ATRN: variants seen among roughly 807,000 people sequenced by gnomAD.
The protein encoded by ATRN is attractin-2.
In ATRN, 54 loss-of-function variants were observed where a neutral mutation model predicts 178.7. The observed-to-expected ratio is 0.30, with a 90% CI of 0.24 to 0.38. The LOEUF (loss-of-function observed/expected upper bound fraction) is 0.38. ATRN is among the 10% of genes least tolerant of loss of function. The probability of loss-of-function intolerance (pLI) is 1.00; values close to 1 mark genes in which losing one functional copy is unlikely to be tolerated. For synonymous variants in ATRN, 636 were observed against 663.0 expected (o/e 0.96, Z 0.63); for missense variants, 1,443 against 1,815.1 (o/e 0.79, Z 3.73).
chr20:3,577,929 TG>T (rs2086233805), intron 14 of ATRN, among the ~76,000 whole-genome samples: 3 of 152,228 alleles, frequency 2.0e-5, no homozygotes, highest in African/African-American at 7.2e-5. Context: ...ACTTTGGTTC[TG>T]GTGAAGTTGC....
rs369040538 is a variant in ATRN at position 3,540,317 on chromosome 20, C to T, written c.590C>T (p.Pro197Leu). 66 of 1,603,024 alleles carry T rather than the reference C, an allele frequency of 4.1e-5. No individual in the cohort carries two copies. The highest frequency in any genetic ancestry group is 5.4e-5 in the Non-Finnish European group (63 of 1,172,718). The change falls in exon 3 of 29, where the codon CCG becomes CTG. Residue 197 changes from proline to leucine, a missense_variant. Transcript: ENST00000262919. ...YVYDGDSIYA[P>L]LVAAFSGLIV... ...TATGATGGGGACTCAATTTATGCAC[C>T]GCTAGTTGCTGCATTTAGGTAAGCT... is the stretch of plus-strand genomic sequence containing the variant.
At chr20:3,545,127 G>A (rs2085680828) in intron 3 of ATRN, among the ~76,000 whole-genome samples, 1 of 151,894 alleles carries the variant, frequency 6.6e-6, no homozygotes. Context: ...TACATTTTGG[G>A]AGGCCGAGGT....
intron 1 of ATRN, among the ~76,000 whole-genome samples, chr20:3,491,357 G>T (rs1416579672): frequency 6.6e-6 from 1 of 152,172 alleles, no homozygotes; most frequent in Non-Finnish European, 1.5e-5. Context: ...AAATCCAGTG[G>T]TTAATTCTCT....
rs561937094 is a variant in ATRN at position 3,489,923 on chromosome 20, A to G, written c.410+18406A>G. On this transcript the variant is annotated intron_variant, in intron 1 of 28. Coordinates refer to ENST00000262919, the MANE Select transcript of ATRN (RefSeq NM_139321.3). ...GGTTGTAAATGATCTCGTTCTTTTC[A>G]TCTTCACTCTCACTCTTACTGATCT... 14 of 1,246,152 alleles carry G rather than the reference A, an allele frequency of 1.1e-5. No individual in the cohort carries two copies. In the African/African-American group the frequency reaches 1.8e-4, roughly 16 times the overall value. The allele number at this position is 1,246,152 out of a possible 1,614,324, so 77.2% of individuals were successfully genotyped here.
At chr20:3,526,816 A>G (rs2085371539) in intron 1 of ATRN, among the ~76,000 whole-genome samples, 2 of 152,186 alleles carry the variant, frequency 1.3e-5, no homozygotes, top group Non-Finnish European at 2.9e-5. Context: ...CCTGACAAAA[A>G]CAAACAATGG....
At chr20:3,554,864 G>A (rs1006895033) in intron 6 of ATRN, among the ~76,000 whole-genome samples, 19 of 151,442 alleles carry the variant, frequency 1.3e-4, no homozygotes, top group Non-Finnish European at 2.2e-4. Flanking sequence ...GAGCAGAAAA[G>A]CTTTTTTTAA....
intron 13 of ATRN, 148 bp downstream of exon 13, chr20:3,576,096 G>A: frequency 1.0e-6 from 1 of 991,310 alleles, no homozygotes; most frequent in South Asian, 2.2e-5. Context: ...TTTTCCTTTA[G>A]GAAGAGATGT....
chr20:3,596,367 T>TC lies in ATRN; in HGVS notation c.3417-3dup, dbSNP rs144892617. On this transcript the variant is annotated splice_polypyrimidine_tract_variant and intron_variant, in intron 20 of 28. Transcript: ENST00000262919. Reference sequence around the variant, plus strand: ...AATAGCAGTATAAAATAGTCTTTTTTCCCCCCCAGATGTGAGGTAGAAAAT... The same window carrying TC: ...AATAGCAGTATAAAATAGTCTTTTTTCCCCCCCCAGATGTGAGGTAGAAAAT... The TC allele has an allele frequency of 1.1e-3, 1,733 of 1,610,930 alleles. 20 individuals are homozygous for TC. In the African/African-American group the frequency reaches 0.019, roughly 18 times the overall value.
At chr20:3,617,293 A>G (rs1484783782) in intron 24 of ATRN, among the ~76,000 whole-genome samples, 3 of 152,188 alleles carry the variant, frequency 2.0e-5, no homozygotes, top group East Asian at 1.9e-4. Flanking sequence ...GGACATAAAC[A>G]TCCAAATTTT....
chr20:3,584,622 A>C, intron 17 of ATRN, 25 bp from the exon 18 acceptor site: 2 of 1,530,728 alleles, frequency 1.3e-6, no homozygotes, highest in Non-Finnish European at 9.0e-7. Context: ...TGTGATAGTC[A>C]ATTGCAACTT....
chr20:3,599,879 T>C (rs1050609670), intron 22 of ATRN, among the ~76,000 whole-genome samples: 1 of 152,164 alleles, frequency 6.6e-6, no homozygotes, highest in African/African-American at 2.4e-5. Context: ...AGAAGGTAAA[T>C]GCTTTGTGAG....
At chr20:3,606,324 C>G (rs1295345847) in intron 24 of ATRN, among the ~76,000 whole-genome samples, 1 of 152,176 alleles carries the variant, frequency 6.6e-6, no homozygotes, top group Non-Finnish European at 1.5e-5. Context: ...TCTTTCTTGT[C>G]TTCCTGGATT....
chr20:3,525,606 AT>A, intron 1 of ATRN, among the ~76,000 whole-genome samples: 1 of 152,260 alleles, frequency 6.6e-6, no homozygotes, highest in East Asian at 1.9e-4. Flanking sequence ...AAAAAAGAAA[AT>A]TTCAGGCCAA....
At position 3,638,712 on chromosome 20, in the gene ATRN, T is replaced by C. The variant is rs2087043981; in HGVS notation, c.3943-116T>C. The C allele has an allele frequency of 2.4e-6, 2 of 817,562 alleles. No individual in the cohort carries two copies. Among genetic ancestry groups the C allele is most frequent in the East Asian group, 5.4e-5 (2 of 37,302 alleles). 50.6% of individuals were successfully genotyped at this position (817,562 alleles called of 1,614,324 possible). On this transcript the variant is annotated intron_variant, in intron 26 of 28. Transcript: ENST00000262919. The surrounding 1 kb of genome is among the most constrained non-coding windows in gnomAD (Gnocchi z 4.5). Reference sequence around the variant, plus strand: ...CTAATATCAAGTCTAAAAAGTATCATTTTGGACTTGATTTGTTTGAATCAG... The same window carrying C: ...CTAATATCAAGTCTAAAAAGTATCACTTTGGACTTGATTTGTTTGAATCAG...
chr20:3,593,531 C>T (rs541400287), intron 19 of ATRN, among the ~76,000 whole-genome samples: 3 of 152,220 alleles, frequency 2.0e-5, no homozygotes, highest in Non-Finnish European at 2.9e-5. Flanking sequence ...AAGTAGAGGA[C>T]GCTGAATTCA....
chr20:3,534,142 A>G (rs2085491527), intron 1 of ATRN, among the ~76,000 whole-genome samples: 1 of 152,242 alleles, frequency 6.6e-6, no homozygotes. Flanking sequence ...TTTGCAGGAT[A>G]TGATTCTCGT....
intron 5 of ATRN, 35 bp from the exon 6 acceptor site, chr20:3,549,135 T>A (rs748948672): frequency 6.5e-7 from 1 of 1,531,658 alleles, no homozygotes; most frequent in South Asian, 1.3e-5. Context: ...TTTAAAGCTG[T>A]CTTTTGTGAA....
chr20:3,569,084 A>T (rs988655240), intron 11 of ATRN, among the ~76,000 whole-genome samples: 3 of 152,324 alleles, frequency 2.0e-5, no homozygotes, highest in African/African-American at 7.2e-5. Flanking sequence ...CTGGTAAATG[A>T]CCATGAAACT....
intron 1 of ATRN, among the ~76,000 whole-genome samples, chr20:3,519,006 T>TAAAAAAAAAAAAAGAAA (rs2085246996): frequency 8.4e-6 from 1 of 119,494 alleles, no homozygotes; most frequent in South Asian, 2.6e-4. Context: ...TCCTTATATA[T>TAAAAAAAAAAAAAGAAA]AAAAAAAAAA....
Sources: allele counts gnomAD v4.1 joint callset (sites outside exome capture counted in the v4.1 genomes callset), GRCh38; gene constraint gnomAD v4.1.1; non-coding constraint Gnocchi (gnomAD v3.1); transcripts MANE v1.5; gene names NCBI Gene and HGNC (gene_info 2026-07-23, HGNC 2026-07-21).